The following TRIM2 variants were observed in gnomAD, a reference collection of about 807,000 sequenced individuals.
TRIM2 encodes the protein tripartite motif containing 2.
A neutral mutation model predicts 75.2 loss-of-function variants in TRIM2; 20 were observed. The ratio of observed to expected loss-of-function variants is 0.27; its 90% CI spans 0.19 to 0.39. The LOEUF (loss-of-function observed/expected upper bound fraction) is 0.39, where lower values mean the gene tolerates loss of function less well. Among genes scored for constraint, TRIM2 ranks in the 10% least tolerant of loss-of-function variants. TRIM2 has a pLI of 1.00. For synonymous variants in TRIM2, 373 were observed against 388.3 expected (o/e 0.96, Z 0.46); for missense variants, 660 against 990.8 (o/e 0.67, Z 4.48).
In TRIM2 at chr4:153,305,125, A is replaced by G. The variant is rs1309714470; in HGVS notation, c.1510+9089A>G. On this transcript the variant is annotated intron_variant, in intron 6 of 11. Coordinates refer to ENST00000338700, the MANE Select transcript of TRIM2 (RefSeq NM_015271.5). ...TTTAAACTCCCAGCTGTTAGACTTG[A>G]GTGCTGTAGGGAAGTGATGCAGTAG... Among the ~76,000 whole-genome samples, 3 of 152,204 alleles carry G rather than the reference A, an allele frequency of 2.0e-5. No individual in the cohort carries two copies. The East Asian group carries it at 5.8e-4, about 29-fold the overall frequency.
chr4:153,163,801 C>T (rs1444832040), intron 1 of TRIM2, among the ~76,000 whole-genome samples: 4 of 151,740 alleles, frequency 2.6e-5, no homozygotes, highest in South Asian at 2.1e-4. Flanking sequence ...CGTGCTCAGC[C>T]GATTTACATC....
intron 3 of TRIM2, among the ~76,000 whole-genome samples, chr4:153,289,768 C>A (rs192112603): frequency 6.6e-6 from 1 of 152,322 alleles, no homozygotes; most frequent in East Asian, 1.9e-4. Flanking sequence ...GCCATGCTCC[C>A]TTCTTCCAGT....
At position 153,219,683 on chromosome 4, in the gene TRIM2, C is replaced by A. The variant is rs550424254; in HGVS notation, c.30+15123C>A. Reference sequence around the variant, plus strand: ...AGGAGTTCAAGACCAGCCTGGGAAACAAAGTAAGACCCTGTCTCCCTGAAA... The same window carrying A: ...AGGAGTTCAAGACCAGCCTGGGAAAAAAAGTAAGACCCTGTCTCCCTGAAA... On this transcript the variant is annotated intron_variant, in intron 1 of 11. Transcript: ENST00000338700. 2.0e-5 allele frequency among the ~76,000 whole-genome samples: 3 copies of A among 152,236 alleles called. No individual in the cohort carries two copies. The East Asian group carries it at 5.8e-4, about 29-fold the overall frequency.
At chr4:153,322,082 T>C (rs1769117712) in intron 8 of TRIM2, among the ~76,000 whole-genome samples, 1 of 152,146 alleles carries the variant, frequency 6.6e-6, no homozygotes, top group Non-Finnish European at 1.5e-5. Flanking sequence ...TAGGGGATCC[T>C]AGACTATTTT....
At chr4:153,264,611 A>G (rs1324424602) in intron 1 of TRIM2, among the ~76,000 whole-genome samples, 3 of 152,228 alleles carry the variant, frequency 2.0e-5, no homozygotes, top group Admixed American at 6.5e-5. Flanking sequence ...AATCAAGGAG[A>G]CCAGAAACTG....
chr4:153,296,794 A>C (rs1762862638), intron 6 of TRIM2, among the ~76,000 whole-genome samples: 1 of 152,228 alleles, frequency 6.6e-6, no homozygotes. Context: ...GATGATTCTT[A>C]AGGGAGAAAA....
At chr4:153,277,092 A>C (rs1758196280) in intron 3 of TRIM2, among the ~76,000 whole-genome samples, 1 of 152,230 alleles carries the variant, frequency 6.6e-6, no homozygotes, top group African/African-American at 2.4e-5. Flanking sequence ...AGCAATTCTT[A>C]TTAGCCACAC....
chr4:153,272,399 C>T (rs1046497121), intron 2 of TRIM2, among the ~76,000 whole-genome samples: 2 of 152,140 alleles, frequency 1.3e-5, no homozygotes, highest in East Asian at 1.9e-4. Flanking sequence ...CTGCCCAGCT[C>T]GGCCTCCCAA....
Position 153,161,399 on chromosome 4 carries a change from A to G in TRIM2, c.-49+8129A>G, listed in dbSNP as rs571354115. On this transcript the variant is annotated intron_variant, in intron 1 of 11. Transcript: ENST00000437508. Reference sequence around the variant, plus strand: ...CCCATTCAGCCTTAACAGTTATCCTATGAAAAGTTATTATCCTCGTTTTAG... The same window carrying G: ...CCCATTCAGCCTTAACAGTTATCCTGTGAAAAGTTATTATCCTCGTTTTAG... 2.0e-3 allele frequency among the ~76,000 whole-genome samples: 308 copies of G among 152,308 alleles called. 16 individuals are homozygous for G. The South Asian group carries it at 0.062, about 31-fold the overall frequency.
chr4:153,280,384 CTTTT>C (rs3048122), intron 3 of TRIM2, among the ~76,000 whole-genome samples: 1 of 116,976 alleles, frequency 8.5e-6, no homozygotes. Context: ...CAGCAAATTC[CTTTT>C]TTTTTTTTTT....
intron 1 of TRIM2, chr4:153,257,432 T>C: frequency 8.4e-7 from 1 of 1,196,144 alleles, no homozygotes; most frequent in Non-Finnish European, 1.1e-6. Context: ...CAAGACCGAT[T>C]GGTGTGAATA....
chr4:153,204,617 G>C, intron 1 of TRIM2, 57 bp downstream of exon 1: 1 of 1,549,068 alleles, frequency 6.5e-7, no homozygotes, highest in Non-Finnish European at 8.7e-7. Context: ...GGTTAATCCG[G>C]GGCTGGGAGA....
intron 1 of TRIM2, among the ~76,000 whole-genome samples, chr4:153,187,042 G>A (rs1469630835): frequency 6.6e-6 from 1 of 152,150 alleles, no homozygotes; most frequent in Admixed American, 6.5e-5. Context: ...TGTTTATGAA[G>A]AGAAAATTCC....
chr4:153,271,974 C>CTAG (rs963354054), intron 2 of TRIM2, among the ~76,000 whole-genome samples: 11 of 152,134 alleles, frequency 7.2e-5, no homozygotes, highest in Admixed American at 6.5e-4. Flanking sequence ...CTCTGGCTGC[C>CTAG]CTAGGTCTGC....
chr4:153,338,485 T>C lies in TRIM2; in HGVS notation c.*3519T>C. ...ATCTAATTTAGCTTAAAAGTGAAAG[T>C]GGTAATACTGTTGGTTTCTGTAAAT... On this transcript the variant is annotated 3_prime_UTR_variant, in exon 12 of 12. Transcript: ENST00000338700. 1.0e-6 allele frequency: 1 copy of C among 985,554 alleles called. No individual in the cohort carries two copies. Among genetic ancestry groups the C allele is most frequent in the Non-Finnish European group, 1.2e-6 (1 of 829,728 alleles). The allele number at this position is 985,554 out of a possible 1,614,324, so 61.1% of individuals were successfully genotyped here.
At chr4:153,245,105 G>A (rs1748771362) in intron 1 of TRIM2, among the ~76,000 whole-genome samples, 1 of 152,226 alleles carries the variant, frequency 6.6e-6, no homozygotes, top group Non-Finnish European at 1.5e-5. Context: ...TACACACACA[G>A]TCAGTTCTTG....
chr4:153,249,386 CG>C (rs1750231337), intron 1 of TRIM2, among the ~76,000 whole-genome samples: 1 of 152,200 alleles, frequency 6.6e-6, no homozygotes, highest in Non-Finnish European at 1.5e-5. Context: ...CATGCGTGGC[CG>C]GGGCTGTCTG....
At chr4:153,169,077 C>CA (rs138961034) in intron 1 of TRIM2, among the ~76,000 whole-genome samples, 63 of 148,012 alleles carry the variant, frequency 4.3e-4, no homozygotes, top group Non-Finnish European at 5.1e-4. Flanking sequence ...AGACTTATCT[C>CA]AAAAAAAAAA....
chr4:153,284,299 C>T (rs370944182), intron 3 of TRIM2, among the ~76,000 whole-genome samples: 4 of 151,880 alleles, frequency 2.6e-5, no homozygotes, highest in South Asian at 2.1e-4. Flanking sequence ...CTCCTGGGTT[C>T]GAGTGATTCT....
Sources: allele counts gnomAD v4.1 joint callset (sites outside exome capture counted in the v4.1 genomes callset), GRCh38; gene constraint gnomAD v4.1.1; transcripts MANE v1.5; gene names NCBI Gene and HGNC (gene_info 2026-07-23, HGNC 2026-07-21).